ATAD5: variants seen among roughly 807,000 people sequenced by gnomAD.
The protein encoded by ATAD5 is ATPase family AAA domain containing 5.
Under a neutral mutation model 176.9 loss-of-function variants are expected in ATAD5, and 58 were observed. The observed-to-expected ratio is 0.33, with a 90% CI of 0.27 to 0.41. ATAD5 has a LOEUF of 0.41. Among genes scored for constraint, ATAD5 ranks in the 10% least tolerant of loss-of-function variants. The pLI, the probability that ATAD5 is intolerant of heterozygous loss-of-function variation, is 1.00. For missense variants in ATAD5, 1,789 were observed against 2,094.1 expected (o/e 0.85, Z 2.84); for synonymous variants, 640 against 712.6 (o/e 0.90, Z 1.62).
chr17:30,843,381 G>T (rs139249267), intron 4 of ATAD5, among the ~76,000 whole-genome samples: 2 of 151,832 alleles, frequency 1.3e-5, no homozygotes, highest in East Asian at 3.9e-4. Context: ...GGCCAGGTGC[G>T]GTGGCTCACT....
intron 6 of ATAD5, among the ~76,000 whole-genome samples, chr17:30,851,525 G>C (rs1189971756): frequency 6.6e-6 from 1 of 151,700 alleles, no homozygotes; most frequent in Non-Finnish European, 1.5e-5. Flanking sequence ...CCTAAGGGTA[G>C]GCCAGGCATA....
chr17:30,840,638 A>C lies in ATAD5; in HGVS notation c.2098A>C (p.Ile700Leu), dbSNP rs200690961. The C allele has an allele frequency of 1.9e-6, 3 of 1,554,878 alleles. No homozygotes were observed. The highest frequency in any genetic ancestry group is 2.6e-6 in the Non-Finnish European group (3 of 1,151,912). The change falls in exon 4 of 23, where the codon ATA becomes CTA. Residue 700 changes from isoleucine to leucine, a missense_variant. By Grantham distance (5) the Ile-to-Leu change is conservative. Around this residue, in one of 6 missense-constraint regions of ATAD5, gnomAD observed 487 missense variants for 573.6 expected, o/e 0.85. Coordinates refer to ENST00000321990, the MANE Select transcript of ATAD5 (RefSeq NM_024857.5). ...TTAGGCAAGCAATACTTCAAAAAAC[A>C]TATCAAAAGCAAAACAATTGATTGA... ...IRKASNTSKN[I>L]SKAKQLIEKA...
In ATAD5 at chr17:30,876,502, A is replaced by C. The variant is rs186800320; in HGVS notation, c.3736A>C (p.Lys1246Gln). The C allele has an allele frequency of 1.9e-4, 298 of 1,595,548 alleles. 2 individuals carry two copies. The East Asian group carries it at 5.0e-3, about 27-fold the overall frequency. Residue 1246 changes from lysine (K) to glutamine (Q), a missense_variant, in exon 15 of 23, where the codon AAA (lysine) becomes CAA (glutamine). Coordinates refer to ENST00000321990, the MANE Select transcript of ATAD5 (RefSeq NM_024857.5). ...GGCAAATTATTTTAAAGTATCTCCC[A>C]AACCTAAAAATAATGAAGAAATAGG... is the stretch of plus-strand genomic sequence containing the variant. ...TLANYFKVSP[K>Q]PKNNEEIGML...
intron 8 of ATAD5, among the ~76,000 whole-genome samples, chr17:30,857,447 T>G (rs537532573): frequency 6.6e-6 from 1 of 152,152 alleles, no homozygotes; most frequent in Non-Finnish European, 1.5e-5. Context: ...AACTCCCTAC[T>G]TCAGGTGATT....
Position 30,860,580 on chromosome 17 carries a change from A to G in ATAD5, c.3104A>G (p.Asn1035Ser), listed in dbSNP as rs922684179. ...RKSEELSKRN[N>S]SSGIKLDSSK... is the part of the protein sequence containing the mutation. ...TCAGAAGAACTTAGCAAAAGAAACAACTCTTCTGGGATAAAGCTAGATTCT... is the reference window on the plus strand; with the variant it reads ...TCAGAAGAACTTAGCAAAAGAAACAGCTCTTCTGGGATAAAGCTAGATTCT... Residue 1035 changes from asparagine (N) to serine (S), a missense_variant, in exon 10 of 23, where the codon AAC (asparagine) becomes AGC (serine). Coordinates refer to ENST00000321990, the MANE Select transcript of ATAD5 (RefSeq NM_024857.5). The G allele has an allele frequency of 1.3e-6, 2 of 1,580,226 alleles. No individual in the cohort carries two copies. The highest frequency in any genetic ancestry group is 1.7e-6 in the Non-Finnish European group (2 of 1,172,112).
intron 14 of ATAD5, among the ~76,000 whole-genome samples, chr17:30,875,754 C>A (rs1908619692): frequency 6.6e-6 from 1 of 151,038 alleles, no homozygotes; most frequent in Non-Finnish European, 1.5e-5. Context: ...TGAGATCATA[C>A]CACTTCACTC....
chr17:30,878,177 C>T (rs1266389128), intron 17 of ATAD5, 81 bp downstream of exon 17: 1 of 922,304 alleles, frequency 1.1e-6, no homozygotes, highest in Non-Finnish European at 1.7e-6. Context: ...TTATAATTAA[C>T]TCACAAATAG....
chr17:30,861,444 A>G (rs1463139691), intron 10 of ATAD5, among the ~76,000 whole-genome samples: 6 of 151,872 alleles, frequency 4.0e-5, no homozygotes, highest in African/African-American at 9.7e-5. Flanking sequence ...CTCACGGATT[A>G]TGGGCTTACA....
At chr17:30,875,810 AT>A (rs1908626312) in intron 14 of ATAD5, among the ~76,000 whole-genome samples, 3 of 150,138 alleles carry the variant, frequency 2.0e-5, no homozygotes, top group African/African-American at 7.4e-5. Context: ...AAAAAAAAAA[AT>A]GTGTGTTTCT....
intron 14 of ATAD5, among the ~76,000 whole-genome samples, chr17:30,873,757 T>TTG (rs1366309823): frequency 6.7e-6 from 1 of 148,486 alleles, no homozygotes; most frequent in African/African-American, 2.5e-5. Context: ...AGTGATGCAA[T>TTG]CATAGCTCAT....
intron 5 of ATAD5, 66 bp from the exon 6 acceptor site, chr17:30,844,769 A>AAAAAC (rs1555553722): frequency 9.7e-7 from 1 of 1,036,154 alleles, no homozygotes; most frequent in East Asian, 2.9e-5. Flanking sequence ...AAAAAAAAAA[A>AAAAAC]AAAGAAAGTA....
At chr17:30,866,408 C>T (rs751501826) in intron 11 of ATAD5, among the ~76,000 whole-genome samples, 89 of 150,308 alleles carry the variant, frequency 5.9e-4, no homozygotes, top group Middle Eastern at 3.4e-3. Context: ...GTTGGCCAGG[C>T]TGGTCTCAAA....
chr17:30,865,318 C>T (rs961245204), intron 10 of ATAD5, among the ~76,000 whole-genome samples: 1 of 151,720 alleles, frequency 6.6e-6, no homozygotes, highest in Non-Finnish European at 1.5e-5. Context: ...GACTACAGGC[C>T]CCCGCCACCA....
chr17:30,885,468 T>C (rs1243351515), intron 18 of ATAD5, among the ~76,000 whole-genome samples: 2 of 152,192 alleles, frequency 1.3e-5, no homozygotes, highest in Admixed American at 1.3e-4. Context: ...GGACCTTCAA[T>C]ATGTTAAGTA....
intron 14 of ATAD5, among the ~76,000 whole-genome samples, chr17:30,873,164 G>A (rs1908439240): frequency 6.6e-6 from 1 of 151,922 alleles, no homozygotes. Context: ...TTCCATCTTT[G>A]ACTAGCAAGG....
Position 30,834,992 on chromosome 17 carries a change from A to G in ATAD5, c.911A>G (p.Tyr304Cys), listed in dbSNP as rs1382944981. 1.2e-6 allele frequency: 2 copies of G among 1,614,054 alleles called. No homozygotes were observed. The highest frequency in any genetic ancestry group is 1.3e-5 in the African/African-American group (1 of 75,076). ...ETVDEIVKSG[Y>C]ISESENSEIS... ...GTCGACGAAATAGTCAAAAGTGGTTATATAAGTGAATCAGAAAACTCCGAA... is the reference window on the plus strand; with the variant it reads ...GTCGACGAAATAGTCAAAAGTGGTTGTATAAGTGAATCAGAAAACTCCGAA... The change falls in exon 2 of 23, where the codon TAT becomes TGT. Residue 304 changes from tyrosine to cysteine, a missense_variant. Tyr to Cys is a radical substitution (Grantham distance 194). This residue lies in a region of ATAD5 where 696 missense variants were observed against 712.5 expected (regional missense o/e 0.98). Transcript: ENST00000321990.
Position 30,835,510 on chromosome 17 carries a change from A to G in ATAD5, c.1429A>G (p.Lys477Glu). Residue 477 changes from lysine to glutamate, a missense_variant, in exon 2 of 23, where the codon AAG becomes GAG. By Grantham distance (56) the Lys-to-Glu change is moderately conservative. Coordinates refer to ENST00000321990, the MANE Select transcript of ATAD5 (RefSeq NM_024857.5). ...AAGTTTTCTGAAGGAGAAAAATAAA[A>G]AGCTAAAGAAGAAGAATAAGAAAAC... ...KGSFLKEKNK[K>E]LKKKNKKTLD... 1 of 1,606,206 alleles carries G rather than the reference A, an allele frequency of 6.2e-7. No homozygotes were observed. The highest frequency in any genetic ancestry group is 1.1e-5 in the South Asian group (1 of 87,910).
chr17:30,879,565 ATTT>A (rs762005937), intron 18 of ATAD5, 78 bp downstream of exon 18: 215 of 1,053,922 alleles, frequency 2.0e-4, no homozygotes, highest in Middle Eastern at 5.6e-4. Flanking sequence ...TACAGCTATA[ATTT>A]TTTTTTTTTT....
At chr17:30,893,075 CTAAA>C (rs945823075) in intron 20 of ATAD5, among the ~76,000 whole-genome samples, 84 of 152,038 alleles carry the variant, frequency 5.5e-4, no homozygotes, top group African/African-American at 2.0e-3. Context: ...GGAGTATATA[CTAAA>C]TACATAGAGA....
Sources: allele counts gnomAD v4.1 joint callset (sites outside exome capture counted in the v4.1 genomes callset), GRCh38; gene constraint gnomAD v4.1.1; regional missense constraint gnomAD v4.1.1; transcripts MANE v1.5; gene names NCBI Gene and HGNC (gene_info 2026-07-23, HGNC 2026-07-21).